Variants in PFKM observed in about 807,000 individuals in gnomAD.
The protein encoded by PFKM is ATP-dependent 6-phosphofructokinase, muscle type.
PFKM carries 58 observed loss-of-function variants against 95.5 expected under a neutral mutation model. The ratio of observed to expected loss-of-function variants is 0.61; its 90% CI spans 0.49 to 0.76. The LOEUF (loss-of-function observed/expected upper bound fraction) is 0.76. PFKM is among the 30% of genes least tolerant of loss of function. PFKM has a pLI of 0.00. For missense variants in PFKM, 678 were observed against 1,005.4 expected (o/e 0.67, Z 4.40); for synonymous variants, 336 against 357.2 (o/e 0.94, Z 0.67).
At chr12:48,137,881 C>CT in intron 11 of PFKM, 35 bp downstream of exon 11, 1 of 1,612,696 alleles carries the variant, frequency 6.2e-7, no homozygotes, top group Non-Finnish European at 8.5e-7. Context: ...TCTTAACACT[C>CT]TCAAGCCCCT....
upstream of PFKM, among the ~76,000 whole-genome samples, chr12:48,115,718 G>A (rs1252606183): frequency 1.3e-5 from 2 of 152,270 alleles, no homozygotes; most frequent in South Asian, 2.1e-4. Flanking sequence ...TCTCCTGAGG[G>A]CTGTATCACA....
At chr12:48,124,085 AG>A (rs1337561952) in intron 2 of PFKM, among the ~76,000 whole-genome samples, 1 of 152,218 alleles carries the variant, frequency 6.6e-6, no homozygotes, top group Non-Finnish European at 1.5e-5. Context: ...TCAGTGAAAA[AG>A]TCTGACGCAA....
At chr12:48,107,597 A>T (rs1037795139) in intron 2 of PFKM, 2 of 652,264 alleles carry the variant, frequency 3.1e-6, no homozygotes, top group Admixed American at 5.1e-5. Flanking sequence ...TCACTTTGAT[A>T]AAATATTGAT....
Position 48,130,454 on chromosome 12 carries a change from T to C in PFKM, c.159+18T>C. ...TCCATGAGGTTGGTTCTGTACTTTG[T>C]TCTTCATCATTCTTTCTCTGTCTTC... On this transcript the variant is annotated intron_variant, in intron 3 of 22. Transcript: ENST00000359794. 6.4e-7 allele frequency: 1 copy of C among 1,554,476 alleles called. No homozygotes were observed. The highest frequency in any genetic ancestry group is 1.1e-5 in the South Asian group (1 of 89,956).
In PFKM at chr12:48,144,164, AAG is replaced by A; in HGVS notation, c.1992+9_1992+10del. On this transcript the variant is annotated splice_region_variant and intron_variant, in intron 20 of 22. Coordinates refer to ENST00000359794, the MANE Select transcript of PFKM (RefSeq NM_000289.6). ...GCTTGGTCACATGCAGCAGGTAGGGAAGACACCGTAGTCATGCCCTTCATCAG... is the reference window on the plus strand; with the variant it reads ...GCTTGGTCACATGCAGCAGGTAGGGAACACCGTAGTCATGCCCTTCATCAG... 6.4e-7 allele frequency: 1 copy of A among 1,567,762 alleles called. No homozygotes were observed. The highest frequency in any genetic ancestry group is 8.8e-7 in the Non-Finnish European group (1 of 1,139,210).
intron 3 of PFKM, among the ~76,000 whole-genome samples, chr12:48,111,602 G>A (rs1947193198): frequency 6.6e-6 from 1 of 152,222 alleles, no homozygotes; most frequent in Non-Finnish European, 1.5e-5. Context: ...GATAGATGTG[G>A]AAGATACTAT....
upstream of PFKM, among the ~76,000 whole-genome samples, chr12:48,116,000 G>C (rs1565847404): frequency 6.6e-6 from 1 of 152,072 alleles, no homozygotes; most frequent in Admixed American, 6.6e-5. Context: ...TTTAACATTT[G>C]AGGAACTGCC....
chr12:48,108,348 G>C (rs944702115), intron 3 of PFKM, among the ~76,000 whole-genome samples: 1 of 151,914 alleles, frequency 6.6e-6, no homozygotes, highest in Non-Finnish European at 1.5e-5. Context: ...GAGAGAGAGA[G>C]AAAGAGAGAG....
chr12:48,118,373 T>G, upstream of PFKM: 1 of 649,914 alleles, frequency 1.5e-6, no homozygotes, highest in African/African-American at 1.8e-5. Context: ...TTCTGTGGGT[T>G]GTCTTTCCAC....
Position 48,141,332 on chromosome 12 carries a change from T to C in PFKM, c.1363T>C (p.Tyr455His), listed in dbSNP as rs769544679. Residue 455 changes from tyrosine to histidine, a missense_variant, in exon 15 of 23, where the codon TAT becomes CAT. Physicochemically the swap from Tyr to His is moderately conservative, Grantham distance 83. Coordinates refer to ENST00000359794, the MANE Select transcript of PFKM (RefSeq NM_000289.6). Reference protein sequence around the residue: ...KGQIEEAGWSYVGGWTGQGGS... With the variant: ...KGQIEEAGWSHVGGWTGQGGS... The stretch of plus-strand genomic sequence containing the variant: ...ACAGATAGAGGAAGCTGGCTGGAGC[T>C]ATGTTGGGGGCTGGACTGGCCAAGG... 1.2e-6 allele frequency: 2 copies of C among 1,614,028 alleles called. No homozygotes were observed. Among genetic ancestry groups the C allele is most frequent in the Non-Finnish European group, 1.7e-6 (2 of 1,180,020 alleles).
chr12:48,142,968 G>C (rs535816360), intron 18 of PFKM, 22 bp downstream of exon 18: 2 of 1,608,646 alleles, frequency 1.2e-6, no homozygotes, highest in South Asian at 2.2e-5. Flanking sequence ...CCCAGAGCCT[G>C]CTAGATAGCT....
Position 48,139,362 on chromosome 12 carries a change from C to T in PFKM, c.1127+13C>T, listed in dbSNP as rs376042142. 36 of 1,605,912 alleles carry T rather than the reference C, an allele frequency of 2.2e-5. 1 individual carries two copies. The Middle Eastern group carries it at 5.0e-4, about 22-fold the overall frequency. ...AGCTGAGAGGCCGGTGAGGAGATGACGGGAAGCTCACTAGCTACAGAAATC... is the reference window on the plus strand; with the variant it reads ...AGCTGAGAGGCCGGTGAGGAGATGATGGGAAGCTCACTAGCTACAGAAATC... On this transcript the variant is annotated intron_variant, in intron 12 of 22. Coordinates refer to ENST00000359794, the MANE Select transcript of PFKM (RefSeq NM_000289.6).
chr12:48,132,941 A>G lies in PFKM; in HGVS notation c.311A>G (p.Asn104Ser), dbSNP rs759541002. The G allele has an allele frequency of 6.2e-7, 1 of 1,614,132 alleles. No individual in the cohort carries two copies. Among genetic ancestry groups the G allele is most frequent in the Non-Finnish European group, 8.5e-7 (1 of 1,179,998 alleles). Residue 104 changes from asparagine (N) to serine (S), a missense_variant, in exon 5 of 23, where the codon AAC becomes AGC. Asn to Ser is a conservative substitution (Grantham distance 46). Coordinates refer to ENST00000359794, the MANE Select transcript of PFKM (RefSeq NM_000289.6). ...EREGRLRAAYNLVKRGITNLC... is the reference protein window; with the variant it reads ...EREGRLRAAYSLVKRGITNLC... ...GAAGGACGACTCCGAGCTGCCTACA[A>G]CCTGGTGAAGCGTGGGATCACCAAT...
rs780240624 is a variant in PFKM, at chr12:48,130,409, C to T, written c.132C>T (p.Thr44=). ...CTGTGGTTCGAGTTGGTATCTTCAC[C>T]GGTGCCCGTGTCTTCTTTGTCCATG... The part of the protein sequence containing the change: ...VRAVVRVGIF[T]GARVFFVHEG... The change falls in exon 3 of 23, where the codon ACC becomes ACT. Residue 44 remains threonine (T), a synonymous_variant. Coordinates refer to ENST00000359794, the MANE Select transcript of PFKM (RefSeq NM_000289.6). 3.8e-5 allele frequency: 62 copies of T among 1,613,296 alleles called. No individual in the cohort carries two copies. Among genetic ancestry groups the T allele is most frequent in the Middle Eastern group, 1.6e-4 (1 of 6,084 alleles).
At chr12:48,135,193 C>A in intron 9 of PFKM, 98 bp from the exon 10 acceptor site, 1 of 1,207,202 alleles carries the variant, frequency 8.3e-7, no homozygotes, top group Non-Finnish European at 1.2e-6. Context: ...CATTACAAGA[C>A]AAGAGGCTGA....
At chr12:48,111,782 A>G (rs1262278064) in intron 3 of PFKM, among the ~76,000 whole-genome samples, 1 of 152,182 alleles carries the variant, frequency 6.6e-6, no homozygotes, top group East Asian at 1.9e-4. Flanking sequence ...GGTATCCAGA[A>G]TAATGTGGGA....
intron 2 of PFKM, among the ~76,000 whole-genome samples, chr12:48,126,953 A>G (rs546204004): frequency 5.5e-4 from 83 of 152,178 alleles, no homozygotes; most frequent in Non-Finnish European, 1.1e-3. Context: ...CCCTCTCTTC[A>G]CAGATTTTTT....
chr12:48,126,358 G>T (rs1352522239), intron 2 of PFKM, among the ~76,000 whole-genome samples: 1 of 152,162 alleles, frequency 6.6e-6, no homozygotes, highest in Non-Finnish European at 1.5e-5. Context: ...GGGGTTTGAG[G>T]CATAGGTACC....
rs749882480 is a variant in PFKM at position 48,137,828 on chromosome 12, C to G, written c.1044C>G (p.Leu348=). 19 of 1,614,028 alleles carry G rather than the reference C, an allele frequency of 1.2e-5. No homozygotes were observed. The highest frequency in any genetic ancestry group is 3.3e-4 in the Middle Eastern group (2 of 6,084). Reference sequence around the variant, plus strand: ...GTAACCAGGCTGTGCGCCTGCCCCTCATGGAATGTGTCCAGGTGGTAAGTA... The same window carrying G: ...GTAACCAGGCTGTGCGCCTGCCCCTGATGGAATGTGTCCAGGTGGTAAGTA... ...LSGNQAVRLP[L]MECVQVTKDV... The change falls in exon 11 of 23, where the codon CTC becomes CTG. Residue 348 remains leucine (L), a synonymous_variant. Transcript: ENST00000359794.
Sources: allele counts gnomAD v4.1 joint callset (sites outside exome capture counted in the v4.1 genomes callset), GRCh38; gene constraint gnomAD v4.1.1; transcripts MANE v1.5; gene names NCBI Gene and HGNC (gene_info 2026-07-23, HGNC 2026-07-21).